The following CEP63 variants were observed in gnomAD, a reference collection of about 807,000 sequenced individuals.
The protein encoded by CEP63 is centrosomal protein 63.
CEP63 carries 84 observed loss-of-function variants against 89.1 expected under a neutral mutation model. That is an observed-to-expected ratio of 0.94 (90% CI 0.79 to 1.13). The LOEUF is 1.13. Ranked by LOEUF, CEP63 falls within the 50% of genes most tolerant of loss-of-function variation. The pLI is 0.00. For synonymous variants in CEP63, 267 were observed against 272.5 expected (o/e 0.98, Z 0.20); for missense variants, 838 against 813.3 (o/e 1.03, Z -0.37).
At chr3:134,569,933 A>G (rs559517242), downstream of CEP63, among the ~76,000 whole-genome samples, 3 of 152,278 alleles carry the variant, frequency 2.0e-5, no homozygotes, top group South Asian at 4.1e-4. Context: ...CACTTGCAGG[A>G]CTAACACCAC....
chr3:134,558,118 G>T, intron 12 of CEP63, 24 bp from the exon 13 acceptor site: 2 of 1,570,946 alleles, frequency 1.3e-6, no homozygotes, highest in South Asian at 2.2e-5. Flanking sequence ...CAGATTAAGT[G>T]ACTCTAGTAT....
chr3:134,740,173 C>T, the CEP63 span, among the ~76,000 whole-genome samples: 5,145 of 152,178 alleles, frequency 0.034, 286 homozygotes, highest in African/African-American at 0.12. Flanking sequence ...GTCCAGTGAC[C>T]CCTTGCAGGG....
chr3:134,617,850 C>A, the CEP63 span, among the ~76,000 whole-genome samples: 1 of 152,050 alleles, frequency 6.6e-6, no homozygotes, highest in Non-Finnish European at 1.5e-5. Flanking sequence ...GGGCTGGAAA[C>A]TTGGCTGAGG....
At chr3:134,686,174 GGCT>G in the CEP63 span, among the ~76,000 whole-genome samples, 1 of 152,136 alleles carries the variant, frequency 6.6e-6, no homozygotes, top group Non-Finnish European at 1.5e-5. Context: ...TGGTGGTGGC[GGCT>G]GCTGCTGCTG....
chr3:134,598,608 G>A, the CEP63 span, among the ~76,000 whole-genome samples: 1 of 152,200 alleles, frequency 6.6e-6, no homozygotes, highest in Admixed American at 6.5e-5. Flanking sequence ...TGAGGACCTG[G>A]TTTGTAGCAG....
chr3:134,516,278 A>G (rs777770233), intron 3 of CEP63, among the ~76,000 whole-genome samples: 22 of 152,228 alleles, frequency 1.4e-4, no homozygotes, highest in Non-Finnish European at 2.6e-4. Flanking sequence ...TCAGTGCCTT[A>G]AAGAGCAGTG....
the CEP63 span, among the ~76,000 whole-genome samples, chr3:134,653,739 C>T: frequency 6.6e-6 from 1 of 152,304 alleles, no homozygotes; most frequent in East Asian, 1.9e-4. Context: ...CTCAAATCCT[C>T]CCTCCAGCTG....
At chr3:134,681,484 C>A in the CEP63 span, among the ~76,000 whole-genome samples, 1 of 152,130 alleles carries the variant, frequency 6.6e-6, no homozygotes, top group Non-Finnish European at 1.5e-5. Flanking sequence ...GTCATGTTGA[C>A]CTAGCATGTT....
At chr3:134,740,266 T>TTTCATTTATTTA in the CEP63 span, among the ~76,000 whole-genome samples, 59 of 140,932 alleles carry the variant, frequency 4.2e-4, no homozygotes, top group African/African-American at 1.4e-3. Flanking sequence ...TATTCTTTTC[T>TTTCATTTATTTA]TTTATTTATT....
intron 12 of CEP63, among the ~76,000 whole-genome samples, chr3:134,557,342 C>T (rs1163427864): frequency 7.6e-6 from 1 of 131,294 alleles, no homozygotes; most frequent in Non-Finnish European, 1.6e-5. Context: ...TTATGTTTGT[C>T]AGACCACTCT....
the CEP63 span, among the ~76,000 whole-genome samples, chr3:134,722,828 G>T: frequency 2.6e-5 from 4 of 152,090 alleles, no homozygotes; most frequent in African/African-American, 4.8e-5. Context: ...CAGGGCACTA[G>T]TCATGCTGCT....
the CEP63 span, among the ~76,000 whole-genome samples, chr3:134,686,532 T>G: frequency 9.6e-4 from 146 of 152,312 alleles, 1 homozygote; most frequent in Admixed American, 4.2e-3. Flanking sequence ...AAGTGGGTGT[T>G]GCTCTGGGCC....
the CEP63 span, among the ~76,000 whole-genome samples, chr3:134,714,959 C>T: frequency 6.6e-6 from 1 of 152,292 alleles, no homozygotes; most frequent in Non-Finnish European, 1.5e-5. Flanking sequence ...TGTCATGGGA[C>T]CACAGAGGAG....
chr3:134,581,536 G>A (rs1958347086), intron 10 of CEP63, among the ~76,000 whole-genome samples: 1 of 151,454 alleles, frequency 6.6e-6, no homozygotes, highest in Non-Finnish European at 1.5e-5. Context: ...AGCCGAGATG[G>A]CGCCATTGCA....
chr3:134,718,809 A>G, the CEP63 span, among the ~76,000 whole-genome samples: 1 of 152,178 alleles, frequency 6.6e-6, no homozygotes, highest in South Asian at 2.1e-4. Flanking sequence ...ATTTGATCAG[A>G]CTGGAGTGCA....
At chr3:134,527,108 A>G (rs1948809204) in intron 3 of CEP63, among the ~76,000 whole-genome samples, 1 of 152,240 alleles carries the variant, frequency 6.6e-6, no homozygotes, top group Non-Finnish European at 1.5e-5. Context: ...CAGTGGTAGC[A>G]GCAGTGCAGT....
the CEP63 span, among the ~76,000 whole-genome samples, chr3:134,629,154 T>A: frequency 3.0e-4 from 45 of 152,186 alleles, no homozygotes; most frequent in Non-Finnish European, 5.7e-4. Context: ...GGCTTCAGAG[T>A]CATACCTGGG....
At chr3:134,782,000 A>G in the CEP63 span, among the ~76,000 whole-genome samples, 1 of 152,224 alleles carries the variant, frequency 6.6e-6, no homozygotes, top group Non-Finnish European at 1.5e-5. Flanking sequence ...ATGTTTTGCC[A>G]TGAAATGTAA....
intron 3 of CEP63, among the ~76,000 whole-genome samples, chr3:134,514,853 A>G (rs918484343): frequency 4.6e-5 from 7 of 152,200 alleles, no homozygotes; most frequent in Non-Finnish European, 1.0e-4. Flanking sequence ...AAGCAGTAGT[A>G]AATGTATGGG....
Sources: allele counts gnomAD v4.1 joint callset (sites outside exome capture counted in the v4.1 genomes callset), GRCh38; gene constraint gnomAD v4.1.1; transcripts MANE v1.5; gene names NCBI Gene and HGNC (gene_info 2026-07-23, HGNC 2026-07-21).